DPYD: variants seen among roughly 807,000 people sequenced by gnomAD.
DPYD encodes dihydropyrimidine dehydrogenase [NADP(+)].
In DPYD, 109 loss-of-function variants were observed where a neutral mutation model predicts 116.2. That is an observed-to-expected ratio of 0.94 (90% confidence interval 0.80 to 1.10). The LOEUF (loss-of-function observed/expected upper bound fraction) is 1.10. DPYD is among the 50% of genes least tolerant of loss of function. The probability of loss-of-function intolerance (pLI) is 0.00; values close to 1 mark genes in which losing one functional copy is unlikely to be tolerated. For synonymous variants in DPYD, 440 were observed against 432.0 expected, an observed-to-expected ratio of 1.02 and a Z score of -0.23; for missense variants, 1,302 against 1,254.5, an observed-to-expected ratio of 1.04 and a Z score of -0.57.
At chr1:97,423,603 C>A (rs1286218939) in intron 14 of DPYD, among the ~76,000 whole-genome samples, 1 of 152,008 alleles carries the variant, frequency 6.6e-6, no homozygotes, top group African/African-American at 2.4e-5. Context: ...GAATTTGGGG[C>A]ATTGAGAGGC....
chr1:97,224,561 C>T (rs1660989708), intron 19 of DPYD, among the ~76,000 whole-genome samples: 1 of 151,634 alleles, frequency 6.6e-6, no homozygotes, highest in Non-Finnish European at 1.5e-5. Flanking sequence ...GTATAAAATA[C>T]AATATTATTA....
At chr1:97,500,465 C>T (rs1679514246) in intron 13 of DPYD, among the ~76,000 whole-genome samples, 1 of 151,906 alleles carries the variant, frequency 6.6e-6, no homozygotes, top group African/African-American at 2.4e-5. Flanking sequence ...GCTCTTATTT[C>T]AAATGTCTTC....
At chr1:97,217,646 A>G (rs1337835729) in intron 19 of DPYD, among the ~76,000 whole-genome samples, 1 of 152,190 alleles carries the variant, frequency 6.6e-6, no homozygotes, top group Non-Finnish European at 1.5e-5. Context: ...AAAAAAAAAA[A>G]AAAGTAATAA....
rs1260605683 is a variant in DPYD at position 97,406,800 on chromosome 1, A to G, written c.1906-24339T>C. Among the ~76,000 whole-genome samples the G allele has an allele frequency of 2.0e-5, 3 of 152,184 alleles. No homozygotes were observed. The East Asian group carries it at 5.8e-4, about 29-fold the overall frequency. ...TCTGGTATTGATATTAATCTACAATATCCATTTGAGTTGTTCTATCACTTT... is the reference window on the plus strand; with the variant it reads ...TCTGGTATTGATATTAATCTACAATGTCCATTTGAGTTGTTCTATCACTTT... On this transcript the variant is annotated intron_variant, in intron 14 of 22. Coordinates refer to ENST00000370192, the MANE Select transcript of DPYD (RefSeq NM_000110.4).
intron 3 of DPYD, among the ~76,000 whole-genome samples, chr1:97,772,738 T>C (rs997087349): frequency 6.6e-6 from 1 of 152,160 alleles, no homozygotes; most frequent in African/African-American, 2.4e-5. Context: ...ATGGAGAATC[T>C]AGCATAACAA....
At chr1:97,419,875 T>A (rs971779816) in intron 14 of DPYD, 1 of 152,236 alleles carries the variant, frequency 6.6e-6, no homozygotes, top group Non-Finnish European at 1.5e-5. Flanking sequence ...AATGTACAAA[T>A]TTATAATCCT....
intron 14 of DPYD, among the ~76,000 whole-genome samples, chr1:97,430,946 T>C (rs949256899): frequency 6.6e-6 from 1 of 151,534 alleles, no homozygotes; most frequent in African/African-American, 2.4e-5. Context: ...AAAAAAAAAA[T>C]AACAGATAGC....
intron 3 of DPYD, among the ~76,000 whole-genome samples, chr1:97,752,691 G>A (rs780731271): frequency 5.9e-5 from 9 of 152,114 alleles, no homozygotes; most frequent in Non-Finnish European, 1.3e-4. Context: ...GTCTTCATCC[G>A]AACTCAGCTC....
intron 20 of DPYD, among the ~76,000 whole-genome samples, chr1:97,182,653 C>T (rs1222343221): frequency 6.6e-6 from 1 of 152,020 alleles, no homozygotes; most frequent in Non-Finnish European, 1.5e-5. Flanking sequence ...ATAACATGGA[C>T]AAGAAGTACA....
intron 19 of DPYD, among the ~76,000 whole-genome samples, chr1:97,232,590 T>A (rs766192717): frequency 5.9e-5 from 9 of 151,890 alleles, no homozygotes; most frequent in Non-Finnish European, 1.3e-4. Flanking sequence ...TTTTCTTCAG[T>A]CTTTTTTTCT....
At chr1:97,451,922 G>C (rs1439009089) in intron 13 of DPYD, among the ~76,000 whole-genome samples, 1 of 152,038 alleles carries the variant, frequency 6.6e-6, no homozygotes, top group Non-Finnish European at 1.5e-5. Flanking sequence ...TAGGCCACAA[G>C]TTGTTCTCTA....
intron 3 of DPYD, among the ~76,000 whole-genome samples, chr1:97,798,674 A>G (rs2101318498): frequency 6.6e-6 from 1 of 152,156 alleles, no homozygotes; most frequent in East Asian, 1.9e-4. Flanking sequence ...AAGAATAAAT[A>G]AGATAATCCA....
At chr1:97,245,792 C>G (rs1281043595) in intron 18 of DPYD, among the ~76,000 whole-genome samples, 1 of 152,106 alleles carries the variant, frequency 6.6e-6, no homozygotes, top group Admixed American at 6.6e-5. Context: ...TTTCTTTTCT[C>G]TCTGAAATCC....
intron 5 of DPYD, among the ~76,000 whole-genome samples, chr1:97,703,967 T>C (rs894558204): frequency 5.3e-5 from 8 of 152,070 alleles, no homozygotes; most frequent in African/African-American, 9.7e-5. Flanking sequence ...CAGCACACTA[T>C]TGCACCTCGG....
At chr1:97,229,061 G>T (rs372174103) in intron 19 of DPYD, among the ~76,000 whole-genome samples, 1 of 151,614 alleles carries the variant, frequency 6.6e-6, no homozygotes, top group Non-Finnish European at 1.5e-5. Context: ...AAAATTAGCC[G>T]GGCATGGTGG....
At chr1:97,507,734 G>A (rs938053431) in intron 13 of DPYD, among the ~76,000 whole-genome samples, 4 of 151,966 alleles carry the variant, frequency 2.6e-5, no homozygotes, top group Non-Finnish European at 1.5e-5. Context: ...CTCGTTGATA[G>A]GTGCTGGCAA....
intron 2 of DPYD, among the ~76,000 whole-genome samples, chr1:97,861,060 C>A (rs557926645): frequency 6.6e-6 from 1 of 151,750 alleles, no homozygotes; most frequent in Non-Finnish European, 1.5e-5. Flanking sequence ...ATAGAACTGA[C>A]GTTACAGACA....
intron 3 of DPYD, among the ~76,000 whole-genome samples, chr1:97,795,377 A>G (rs910656771): frequency 3.9e-5 from 6 of 152,032 alleles, no homozygotes; most frequent in African/African-American, 1.4e-4. Context: ...AAAGTGTATA[A>G]TTTATAGTGT....
intron 3 of DPYD, among the ~76,000 whole-genome samples, chr1:97,741,873 T>A (rs1340871530): frequency 6.6e-6 from 1 of 152,012 alleles, no homozygotes; most frequent in Admixed American, 6.6e-5. Flanking sequence ...GACAGGCTTC[T>A]TGGGAGGAAT....
Sources: gnomAD v4.1 joint callset for allele counts (sites outside exome capture counted in the v4.1 genomes callset) on GRCh38, gnomAD v4.1.1 for gene constraint, MANE v1.5 for transcripts, NCBI Gene and HGNC (gene_info 2026-07-23, HGNC 2026-07-21) for gene names.